LCP1: variants seen among roughly 807,000 people sequenced by gnomAD.
LCP1 encodes the protein plastin-2.
A neutral mutation model predicts 72.0 loss-of-function variants in LCP1; 23 were observed. That is an observed-to-expected ratio of 0.32 (90% confidence interval 0.23 to 0.45). LCP1 has a LOEUF of 0.45. Among genes scored for constraint, LCP1 ranks in the 20% least tolerant of loss-of-function variants. The probability of loss-of-function intolerance (pLI) is 1.00; values close to 1 mark genes in which losing one functional copy is unlikely to be tolerated. For missense variants in LCP1, 571 were observed against 748.3 expected (o/e 0.76, Z 2.76); for synonymous variants, 245 against 275.4 (o/e 0.89, Z 1.09).
At chr13:46,131,892 AC>A (rs2045636212) in intron 14 of LCP1, among the ~76,000 whole-genome samples, 1 of 152,002 alleles carries the variant, frequency 6.6e-6, no homozygotes, top group African/African-American at 2.4e-5. Context: ...GTGAAAAACC[AC>A]CTGTTCAGCA....
chr13:46,158,727 G>T, intron 3 of LCP1, 76 bp from the exon 4 acceptor site: 2 of 1,603,438 alleles, frequency 1.2e-6, no homozygotes, highest in African/African-American at 1.3e-5. Flanking sequence ...ATGTAATGTC[G>T]AAGCAAGGAG....
chr13:46,142,570 A>G, intron 12 of LCP1, 145 bp from the exon 13 acceptor site: 3 of 849,342 alleles, frequency 3.5e-6, no homozygotes, highest in Non-Finnish European at 5.3e-6. Flanking sequence ...CTGCAATTCT[A>G]GGATTCAAAA....
chr13:46,152,617 C>A (rs952167657), intron 7 of LCP1, among the ~76,000 whole-genome samples, 163 bp downstream of exon 7: 1 of 152,164 alleles, frequency 6.6e-6, no homozygotes, highest in African/African-American at 2.4e-5. Flanking sequence ...CATTAAAAAA[C>A]GTCTGGTCTG....
chr13:46,173,651 T>C (rs1191016499), intron 1 of LCP1, among the ~76,000 whole-genome samples: 1 of 152,178 alleles, frequency 6.6e-6, no homozygotes, highest in African/African-American at 2.4e-5. Context: ...TGCTCTATGT[T>C]TTAATGTTCT....
At chr13:46,133,771 G>T (rs116196707) in intron 14 of LCP1, among the ~76,000 whole-genome samples, 2,326 of 152,208 alleles carry the variant, frequency 0.015, 55 homozygotes, top group African/African-American at 0.053. Context: ...CTAGAAAACT[G>T]CCTGTTGGGT....
chr13:46,153,061 G>T, intron 6 of LCP1, 116 bp from the exon 7 acceptor site: 1 of 992,186 alleles, frequency 1.0e-6, no homozygotes, highest in Non-Finnish European at 1.4e-6. Flanking sequence ...TAGAGTCATG[G>T]TCTTCACTCA....
At chr13:46,174,609 C>T (rs140421670) in intron 1 of LCP1, among the ~76,000 whole-genome samples, 46 of 151,972 alleles carry the variant, frequency 3.0e-4, no homozygotes, top group Non-Finnish European at 5.3e-4. Context: ...TTTGGGAGGC[C>T]GAAGTAGGGG....
chr13:46,162,832 C>A (rs563839004), intron 1 of LCP1, among the ~76,000 whole-genome samples: 12 of 151,666 alleles, frequency 7.9e-5, no homozygotes, highest in African/African-American at 2.9e-4. Context: ...TCTGCCCGGC[C>A]GCGACCCCGT....
At chr13:46,176,245 G>A (rs1220597812) in intron 1 of LCP1, among the ~76,000 whole-genome samples, 2 of 152,066 alleles carry the variant, frequency 1.3e-5, no homozygotes, top group African/African-American at 4.8e-5. Context: ...TTGAGATGAT[G>A]GATATGCTGA....
chr13:46,164,286 T>C (rs932117997), intron 1 of LCP1, among the ~76,000 whole-genome samples: 1 of 152,206 alleles, frequency 6.6e-6, no homozygotes, highest in African/African-American at 2.4e-5. Context: ...AATTACAGTG[T>C]TGGGTAAAAA....
In LCP1 at chr13:46,158,675, A is replaced by G; in HGVS notation, c.229-24T>C. Reference sequence around the variant, plus strand: ...ATCTGCAAAAATATAATGTATCTTTAGAAACTCAAGCAGTGATCAAGAAAA... The same window carrying G: ...ATCTGCAAAAATATAATGTATCTTTGGAAACTCAAGCAGTGATCAAGAAAA... On this transcript the variant is annotated intron_variant, in intron 3 of 15. Coordinates refer to ENST00000323076, the MANE Select transcript of LCP1 (RefSeq NM_002298.5). 1.2e-6 allele frequency: 2 copies of G among 1,613,976 alleles called. 1 individual carries two copies. The highest frequency in any genetic ancestry group is 2.2e-5 in the South Asian group (2 of 91,042).
chr13:46,174,834 C>CAAAAAAAAAAAAAAAAAAAA (rs398056355), intron 1 of LCP1, among the ~76,000 whole-genome samples: 1 of 82,304 alleles, frequency 1.2e-5, no homozygotes, highest in African/African-American at 4.3e-5. Context: ...ACTCCATCTT[C>CAAAAAAAAAAAAAAAAAAAA]AAAAAAAAAA....
In LCP1 at chr13:46,158,998, T is replaced by C. The variant is rs1313502277; in HGVS notation, c.65-9A>G. The stretch of plus-strand genomic sequence containing the variant: ...TCCATTGCCATCAGTATCTGTAATG[T>C]ACACAATATACTGAAGCTTCAGGAC... On this transcript the variant is annotated splice_polypyrimidine_tract_variant and intron_variant, in intron 2 of 15. Transcript: ENST00000323076. The C allele has an allele frequency of 7.4e-6, 12 of 1,613,466 alleles. No individual in the cohort carries two copies. The highest frequency in any genetic ancestry group is 1.0e-5 in the Non-Finnish European group (12 of 1,179,660).
At chr13:46,177,501 G>A (rs375942420) in intron 1 of LCP1, among the ~76,000 whole-genome samples, 219 of 152,182 alleles carry the variant, frequency 1.4e-3, no homozygotes, top group African/African-American at 4.9e-3. Context: ...TTAGCCGGGC[G>A]TGGTGGTGGG....
At chr13:46,164,061 G>A (rs1344455314) in intron 1 of LCP1, among the ~76,000 whole-genome samples, 5 of 152,178 alleles carry the variant, frequency 3.3e-5, no homozygotes, top group Admixed American at 1.3e-4. Flanking sequence ...AGGTAAGCAC[G>A]TCTATATTGA....
chr13:46,144,018 A>G (rs982494396), intron 11 of LCP1, among the ~76,000 whole-genome samples: 3 of 152,102 alleles, frequency 2.0e-5, no homozygotes, highest in Non-Finnish European at 4.4e-5. Context: ...GTGAGCCGAG[A>G]TTGCGCCACC....
intron 1 of LCP1, among the ~76,000 whole-genome samples, chr13:46,163,866 C>T (rs1593960785): frequency 6.6e-6 from 1 of 152,200 alleles, no homozygotes; most frequent in South Asian, 2.1e-4. Context: ...CTTCTATACC[C>T]TCTACCATAT....
chr13:46,158,822 T>C lies in LCP1; in HGVS notation c.228+4A>G, dbSNP rs533611262. The stretch of plus-strand genomic sequence containing the variant: ...TGTCTCCTTGTATTCTGCATGGTAC[T>C]CACCTTGATAAACTCATCAAAGCTG... On this transcript the variant is annotated splice_donor_region_variant and intron_variant, in intron 3 of 15. Coordinates refer to ENST00000323076, the MANE Select transcript of LCP1 (RefSeq NM_002298.5). The C allele has an allele frequency of 6.2e-7, 1 of 1,614,098 alleles. No homozygotes were observed. The highest frequency in any genetic ancestry group is 8.5e-7 in the Non-Finnish European group (1 of 1,179,966).
intron 15 of LCP1, among the ~76,000 whole-genome samples, chr13:46,128,695 T>C (rs912931489): frequency 6.6e-6 from 1 of 152,254 alleles, no homozygotes; most frequent in Admixed American, 6.5e-5. Flanking sequence ...TATGGTACTA[T>C]AATATAGAGT....
Sources: gnomAD v4.1 joint callset for allele counts (sites outside exome capture counted in the v4.1 genomes callset) on GRCh38, gnomAD v4.1.1 for gene constraint, MANE v1.5 for transcripts, NCBI Gene and HGNC (gene_info 2026-07-23, HGNC 2026-07-21) for gene names.